HTT: variants seen among roughly 807,000 people sequenced by gnomAD.
HTT encodes the protein huntington disease protein.
Under a neutral mutation model 362.3 loss-of-function variants are expected in HTT, and 104 were observed. The observed-to-expected ratio is 0.29, with a 90% CI of 0.24 to 0.34. The LOEUF is 0.34. Among genes scored for constraint, HTT ranks in the 10% least tolerant of loss-of-function variants. The pLI is 1.00. For missense variants in HTT, 3,301 were observed against 3,928.6 expected (o/e 0.84, Z 4.27); for synonymous variants, 1,577 against 1,548.7 (o/e 1.02, Z -0.43).
In HTT at chr4:3,217,834, C is replaced by T. The variant is rs769425323; in HGVS notation, c.7124C>T (p.Ala2375Val). ...EMVESLQSVL[A>V]LGHKRNSGVP... The stretch of plus-strand genomic sequence containing the variant: ...GTGGAGTCTCTGCAGTCGGTGTTGG[C>T]CTTGGGTCATAAAAGGAATAGCGGC... The change falls in exon 52 of 67, where the codon GCC becomes GTC. Residue 2375 changes from alanine to valine, a missense_variant. Around this residue, in one of 4 missense-constraint regions of HTT, gnomAD observed 753 missense variants for 1,021.3 expected, o/e 0.74. Transcript: ENST00000355072. 6 of 1,614,160 alleles carry T rather than the reference C, an allele frequency of 3.7e-6. No individual in the cohort carries two copies. The Admixed American group carries it at 1.0e-4, about 27-fold the overall frequency.
At chr4:3,198,049 G>A (rs1719347159) in intron 40 of HTT, among the ~76,000 whole-genome samples, 1 of 152,096 alleles carries the variant, frequency 6.6e-6, no homozygotes, top group African/African-American at 2.4e-5. Context: ...CCAGAGACAA[G>A]GCATTAGAAC....
At chr4:3,107,639 G>A (rs1211987158) in intron 6 of HTT, among the ~76,000 whole-genome samples, 1 of 152,176 alleles carries the variant, frequency 6.6e-6, no homozygotes, top group Non-Finnish European at 1.5e-5. Flanking sequence ...TGAATTGGGA[G>A]ATGGTTTCTA....
At position 3,116,165 on chromosome 4, in the gene HTT, T is replaced by G; in HGVS notation, c.970T>G (p.Leu324Val). 1.2e-6 allele frequency: 2 copies of G among 1,614,078 alleles called. No homozygotes were observed. Among genetic ancestry groups the G allele is most frequent in the Non-Finnish European group, 1.7e-6 (2 of 1,179,964 alleles). ...GCTCACCCTGAGGTATTTGGTGCCC[T>G]TGCTGCAGCAGCAGGTCAAGGACAC... ...VLLTLRYLVP[L>V]LQQQVKDTSL... The change falls in exon 8 of 67, where the codon TTG (leucine) becomes GTG (valine). Residue 324 changes from leucine to valine, a missense_variant. By Grantham distance (32) the Leu-to-Val change is conservative. Coordinates refer to ENST00000355072, the MANE Select transcript of HTT (RefSeq NM_001388492.1).
At chr4:3,145,746 A>C (rs1716567197) in intron 24 of HTT, among the ~76,000 whole-genome samples, 1 of 152,242 alleles carries the variant, frequency 6.6e-6, no homozygotes, top group South Asian at 2.1e-4. Context: ...TGTATCAATT[A>C]CTGAGAATGA....
chr4:3,148,641 C>A (rs1367888230), intron 26 of HTT, among the ~76,000 whole-genome samples: 1 of 152,114 alleles, frequency 6.6e-6, no homozygotes, highest in African/African-American at 2.4e-5. Context: ...ACTAAAAATA[C>A]AAAAAAATTA....
intron 1 of HTT, among the ~76,000 whole-genome samples, chr4:3,079,942 A>G (rs1006770632): frequency 5.9e-5 from 9 of 152,330 alleles, no homozygotes; most frequent in East Asian, 1.9e-4. Context: ...AAGTATAACA[A>G]TTTAGCAGTA....
At chr4:3,121,599 G>A in intron 9 of HTT, 167 bp downstream of exon 9, 3 of 569,082 alleles carry the variant, frequency 5.3e-6, no homozygotes, top group Non-Finnish European at 9.3e-6. Context: ...AGTTGGGCTG[G>A]GTGTGGTGGC....
intron 41 of HTT, among the ~76,000 whole-genome samples, chr4:3,202,168 T>TTG (rs749790731): frequency 6.6e-6 from 1 of 152,222 alleles, no homozygotes; most frequent in Non-Finnish European, 1.5e-5. Context: ...TGTGGGTGTG[T>TTG]TGTGGTACAC....
At position 3,225,689 on chromosome 4, in the gene HTT, G is replaced by A; in HGVS notation, c.7794G>A (p.Leu2598=). Reference sequence around the variant, plus strand: ...CCCTCATCAGCCACGAGAAGCTGCTGCTACAGATCAACCCCGAGCGGGAGC... The same window carrying A: ...CCCTCATCAGCCACGAGAAGCTGCTACTACAGATCAACCCCGAGCGGGAGC... ...TGALISHEKL[L]LQINPERELG... The change falls in exon 57 of 67, where the codon CTG becomes CTA. Residue 2598 remains leucine, a synonymous_variant. Transcript: ENST00000355072. 6.2e-7 allele frequency: 1 copy of A among 1,614,080 alleles called. No homozygotes were observed.
Position 3,125,559 on chromosome 4 carries a change from C to T in HTT, c.1332C>T (p.Leu444=), listed in dbSNP as rs1445772816. Residue 444 remains leucine, a synonymous_variant, in exon 11 of 67, where the codon CTC becomes CTT. Coordinates refer to ENST00000355072, the MANE Select transcript of HTT (RefSeq NM_001388492.1). ...TACATTATTTACTAGGCAAAGTGCTCTTAGGAGAAGAAGAAGCCTTGGAGG... is the reference window on the plus strand; with the variant it reads ...TACATTATTTACTAGGCAAAGTGCTTTTAGGAGAAGAAGAAGCCTTGGAGG... ...VLSRKQKGKV[L]LGEEEALEDD... The T allele has an allele frequency of 6.2e-7, 1 of 1,612,934 alleles. No homozygotes were observed. Among genetic ancestry groups the T allele is most frequent in the South Asian group, 1.1e-5 (1 of 91,050 alleles).
rs529896829 is a variant in HTT, at chr4:3,142,803, G to C, written c.2983G>C (p.Asp995His). ...RGYNLLPSIT[D>H]VTMENNLSRV... ...CTATAACCTACTACCAAGCATAACA[G>C]ACGTCACTATGGAAAATAACCTTTC... is the stretch of plus-strand genomic sequence containing the variant. Residue 995 changes from aspartate (D) to histidine (H), a missense_variant, in exon 23 of 67, where the codon GAC becomes CAC. Asp to His is a moderately conservative substitution (Grantham distance 81, BLOSUM62 -1). Around this residue, in one of 4 missense-constraint regions of HTT, gnomAD observed 2,316 missense variants for 2,658.5 expected, o/e 0.87. Coordinates refer to ENST00000355072, the MANE Select transcript of HTT (RefSeq NM_001388492.1). 6.3e-7 allele frequency: 1 copy of C among 1,579,190 alleles called. No homozygotes were observed. Among genetic ancestry groups the C allele is most frequent in the African/African-American group, 1.3e-5 (1 of 74,242 alleles).
rs1714274330 is a variant in HTT at position 3,103,720 on chromosome 4, TA to T, written c.469-103del. On this transcript the variant is annotated intron_variant, in intron 3 of 66. Coordinates refer to ENST00000355072, the MANE Select transcript of HTT (RefSeq NM_001388492.1). ...AATATATTCTTAATTTAGTTGCTAT[TA>T]TGTTTTGCTTTGCCCCAAAATTGAA... The T allele has an allele frequency of 4.2e-6, 3 of 710,104 alleles. No homozygotes were observed. In the African/African-American group the frequency reaches 5.3e-5, roughly 13 times the overall value. The allele number at this position is 710,104 out of a possible 1,614,324, so 44.0% of individuals were successfully genotyped here. A position where few individuals can be genotyped will look rare whatever the true frequency, so the allele number is the denominator to read the frequency against.
intron 26 of HTT, among the ~76,000 whole-genome samples, chr4:3,150,354 G>A (rs538011817): frequency 1.3e-5 from 2 of 152,178 alleles, no homozygotes; most frequent in Non-Finnish European, 2.9e-5. Context: ...AGTGGCTCCA[G>A]TATTGGGCAG....
rs746851644 is a variant in HTT, at chr4:3,182,418, G to T, written c.4814G>T (p.Arg1605Leu). 8 of 1,613,938 alleles carry T rather than the reference G, an allele frequency of 5.0e-6. No individual in the cohort carries two copies. The Admixed American group carries it at 8.3e-5, about 17-fold the overall frequency. The change falls in exon 37 of 67, where the codon CGA becomes CTA. Residue 1605 changes from arginine to leucine, a missense_variant. By Grantham distance (102) the Arg-to-Leu change is moderately radical. Transcript: ENST00000355072. ...AAGGAGAATGAAGACAAGTGGAAGCGACTGTCTCGACAGATAGCTGACATC... is the reference window on the plus strand; with the variant it reads ...AAGGAGAATGAAGACAAGTGGAAGCTACTGTCTCGACAGATAGCTGACATC... ...CHKENEDKWK[R>L]LSRQIADIIL... is the part of the protein sequence containing the mutation.
Position 3,116,203 on chromosome 4 carries a change from C to T in HTT, c.1008C>T (p.Gly336=), listed in dbSNP as rs1441720749. The T allele has an allele frequency of 2.5e-6, 4 of 1,613,964 alleles. No homozygotes were observed. Among genetic ancestry groups the T allele is most frequent in the East Asian group, 2.2e-5 (1 of 44,884 alleles). ...QQQVKDTSLK[G]SFGVTRKEME... is the part of the protein sequence containing the mutation. Reference sequence around the variant, plus strand: ...AGGTCAAGGACACAAGCCTGAAAGGCAGCTTCGGAGTGACAAGGAAAGAAA... The same window carrying T: ...AGGTCAAGGACACAAGCCTGAAAGGTAGCTTCGGAGTGACAAGGAAAGAAA... Residue 336 remains glycine (G), a synonymous_variant, in exon 8 of 67, where the codon GGC becomes GGT. Transcript: ENST00000355072.
intron 56 of HTT, among the ~76,000 whole-genome samples, chr4:3,224,439 C>T (rs1398008052): frequency 1.3e-5 from 2 of 152,218 alleles, no homozygotes; most frequent in African/African-American, 4.8e-5. Context: ...AGAACTCAAC[C>T]AAGTTCATCT....
chr4:3,215,653 G>A (rs1047797218), intron 51 of HTT, among the ~76,000 whole-genome samples: 6 of 151,934 alleles, frequency 3.9e-5, no homozygotes, highest in Admixed American at 1.3e-4. Context: ...AGTAACCTCA[G>A]TGTCAGGTTC....
chr4:3,135,016 C>G (rs976736347), intron 19 of HTT, among the ~76,000 whole-genome samples: 2 of 152,066 alleles, frequency 1.3e-5, no homozygotes, highest in Non-Finnish European at 2.9e-5. Context: ...GCCACTGTGC[C>G]TGGCCTAGAA....
chr4:3,096,589 A>G (rs1482814047), intron 2 of HTT, among the ~76,000 whole-genome samples: 1 of 152,228 alleles, frequency 6.6e-6, no homozygotes, highest in Non-Finnish European at 1.5e-5. Flanking sequence ...AGATATGTGG[A>G]AAAACCCATT....
Sources: allele counts gnomAD v4.1 joint callset (sites outside exome capture counted in the v4.1 genomes callset), GRCh38; gene constraint gnomAD v4.1.1; regional missense constraint gnomAD v4.1.1; transcripts MANE v1.5; gene names NCBI Gene and HGNC (gene_info 2026-07-23, HGNC 2026-07-21).